ASCC3: variants seen among roughly 807,000 people sequenced by gnomAD.
The protein encoded by ASCC3 is ASC-1 complex subunit P200.
In ASCC3, 158 loss-of-function variants were observed where a neutral mutation model predicts 256.3. The observed-to-expected ratio is 0.62, with a 90% confidence interval of 0.54 to 0.70. The LOEUF is 0.70. Among genes scored for constraint, ASCC3 ranks in the 30% least tolerant of loss-of-function variants. The pLI, the probability that ASCC3 is intolerant of heterozygous loss-of-function variation, is 0.00. For missense variants in ASCC3, 2,259 were observed against 2,626.0 expected, an observed-to-expected ratio of 0.86 and a Z score of 3.05; for synonymous variants, 948 against 883.4, an observed-to-expected ratio of 1.07 and a Z score of -1.30.
intron 13 of ASCC3, among the ~76,000 whole-genome samples, chr6:100,710,400 T>C (rs1223055762): frequency 1.3e-5 from 2 of 152,176 alleles, no homozygotes; most frequent in Non-Finnish European, 2.9e-5. Context: ...TCCAAGTCTA[T>C]CCTTTCTAAC....
chr6:100,730,205 G>A (rs1178852037), intron 10 of ASCC3, among the ~76,000 whole-genome samples: 1 of 152,050 alleles, frequency 6.6e-6, no homozygotes, highest in African/African-American at 2.4e-5. Context: ...GCTGAAGTGG[G>A]AGGATTGCTT....
intron 30 of ASCC3, among the ~76,000 whole-genome samples, chr6:100,617,148 G>T (rs1366759162): frequency 2.6e-5 from 4 of 152,072 alleles, no homozygotes; most frequent in Non-Finnish European, 4.4e-5. Context: ...GGGATTACAG[G>T]CACATGCCAC....
At chr6:100,654,771 G>T (rs1026394091) in intron 17 of ASCC3, among the ~76,000 whole-genome samples, 1 of 151,868 alleles carries the variant, frequency 6.6e-6, no homozygotes, top group Admixed American at 6.6e-5. Context: ...AACAGCCTCA[G>T]AACTAATTGC....
At chr6:100,832,650 A>G (rs748860028) in intron 4 of ASCC3, among the ~76,000 whole-genome samples, 1 of 152,164 alleles carries the variant, frequency 6.6e-6, no homozygotes, top group African/African-American at 2.4e-5. Context: ...AGAAGCATTC[A>G]TAGCTACCCA....
At chr6:100,734,431 A>G (rs368409475) in intron 10 of ASCC3, among the ~76,000 whole-genome samples, 1 of 152,200 alleles carries the variant, frequency 6.6e-6, no homozygotes, top group Non-Finnish European at 1.5e-5. Context: ...TAAAAAGACT[A>G]TAACATCAGA....
chr6:100,656,391 G>A (rs1048173751), intron 16 of ASCC3, among the ~76,000 whole-genome samples: 2 of 151,534 alleles, frequency 1.3e-5, no homozygotes, highest in Non-Finnish European at 1.5e-5. Flanking sequence ...ACGAAACAAA[G>A]CAGATTTTGT....
At chr6:100,870,194 A>G (rs886496777) in intron 1 of ASCC3, among the ~76,000 whole-genome samples, 2 of 149,752 alleles carry the variant, frequency 1.3e-5, no homozygotes, top group Admixed American at 6.7e-5. Context: ...TTGATTTTAA[A>G]AAATGCATAT....
At chr6:100,857,564 T>A (rs972530762) in intron 3 of ASCC3, 24 of 152,146 alleles carry the variant, frequency 1.6e-4, no homozygotes, top group African/African-American at 5.5e-4. Flanking sequence ...GTACTTTTTT[T>A]CATCTGTATA....
intron 37 of ASCC3, among the ~76,000 whole-genome samples, chr6:100,538,741 T>C (rs1360360931): frequency 6.6e-6 from 1 of 152,086 alleles, no homozygotes; most frequent in African/African-American, 2.4e-5. Context: ...GATACTTAGG[T>C]TATTTCCAAG....
Position 100,516,260 on chromosome 6 carries a change from G to A in ASCC3, c.5995C>T (p.Leu1999=), listed in dbSNP as rs775988870. ...TCTTTCCCTCCACAGGCATGGATCA[G>A]TTCAGGAAGGGACTCGATGGAGGTC... ...GRTSIESLPE[L]IHACGGKDHV... is the part of the protein sequence containing the mutation. The change falls in exon 39 of 42, where the codon CTG becomes TTG. Residue 1999 remains leucine, a synonymous_variant. Transcript: ENST00000369162. 1.2e-6 allele frequency: 2 copies of A among 1,613,770 alleles called. No individual in the cohort carries two copies.
At chr6:100,867,280 T>C (rs1009832582) in intron 2 of ASCC3, among the ~76,000 whole-genome samples, 1 of 152,210 alleles carries the variant, frequency 6.6e-6, no homozygotes, top group African/African-American at 2.4e-5. Context: ...TTCCATACCA[T>C]AATTACTAAA....
intron 3 of ASCC3, among the ~76,000 whole-genome samples, chr6:100,860,995 G>T (rs544018873): frequency 6.6e-6 from 1 of 152,192 alleles, no homozygotes; most frequent in Admixed American, 6.5e-5. Context: ...CAGTGACAGT[G>T]AAGAAGGTGG....
intron 37 of ASCC3, chr6:100,530,342 G>GAA: frequency 7.2e-7 from 1 of 1,385,412 alleles, no homozygotes; most frequent in Non-Finnish European, 1.0e-6. Flanking sequence ...ACAATCTAGT[G>GAA]AAAAAAACCG....
rs534785916 is a variant in ASCC3, at chr6:100,800,704, A to G, written c.923-200T>C. 2.7e-5 allele frequency among the ~76,000 whole-genome samples: 4 copies of G among 145,914 alleles called. No individual in the cohort carries two copies. The East Asian group carries it at 5.8e-4, about 21-fold the overall frequency. ...AAATAAAATTACACGGTGGTTTAAG[A>G]AAAGTCAGCAGTATTTTCTTCCTAC... On this transcript the variant is annotated intron_variant, in intron 5 of 41. Coordinates refer to ENST00000369162, the MANE Select transcript of ASCC3 (RefSeq NM_006828.4).
At chr6:100,676,750 G>A (rs117205279) in intron 14 of ASCC3, among the ~76,000 whole-genome samples, 2,355 of 115,314 alleles carry the variant, frequency 0.02, 24 homozygotes, top group East Asian at 0.067. Flanking sequence ...GCGCGTGCGC[G>A]CACACACACA....
In ASCC3 at chr6:100,718,189, G is replaced by A. The variant is rs1192855822; in HGVS notation, c.1965C>T (p.Leu655=). 4 of 1,613,338 alleles carry A rather than the reference G, an allele frequency of 2.5e-6. No individual in the cohort carries two copies. The highest frequency in any genetic ancestry group is 1.1e-5 in the South Asian group (1 of 91,060). The change falls in exon 12 of 42, where the codon CTC becomes CTT. Residue 655 remains leucine (L), a synonymous_variant. Coordinates refer to ENST00000369162, the MANE Select transcript of ASCC3 (RefSeq NM_006828.4). ...TAACATGTAAAAATGTGGCAACATC[G>A]AGGTAGTTAGGTAAAGTTGCAGACA... ...LGLSATLPNY[L]DVATFLHVNP...
rs1474335937 is a variant in ASCC3 at position 100,589,688 on chromosome 6, G to C, written c.5496C>G (p.Phe1832Leu). The change falls in exon 36 of 42, where the codon TTC becomes TTG. Residue 1832 changes from phenylalanine to leucine, a missense_variant. Phe to Leu is a conservative substitution (Grantham distance 22). Transcript: ENST00000369162. ...TGCATTCAGGCTTCAAGCGGTCCTTGAACATTTTAACTGTTTGATGCTTCA... is the reference window on the plus strand; with the variant it reads ...TGCATTCAGGCTTCAAGCGGTCCTTCAACATTTTAACTGTTTGATGCTTCA... ...YYLKHQTVKM[F>L]KDRLKPECST... is the part of the protein sequence containing the mutation. The C allele has an allele frequency of 6.2e-7, 1 of 1,613,734 alleles. No homozygotes were observed. Among genetic ancestry groups the C allele is most frequent in the East Asian group, 2.2e-5 (1 of 44,848 alleles).
chr6:100,650,829 T>A, intron 19 of ASCC3, 115 bp from the exon 20 acceptor site: 1 of 848,740 alleles, frequency 1.2e-6, no homozygotes, highest in Non-Finnish European at 1.9e-6. Flanking sequence ...TAATGCAGCA[T>A]TTTTCTTTCA....
intron 4 of ASCC3, among the ~76,000 whole-genome samples, chr6:100,823,887 A>G (rs2114432131): frequency 6.6e-6 from 1 of 152,350 alleles, no homozygotes; most frequent in African/African-American, 2.4e-5. Flanking sequence ...TCCAACAGGA[A>G]CAATGCTATA....
Sources: allele counts gnomAD v4.1 joint callset (sites outside exome capture counted in the v4.1 genomes callset), GRCh38; gene constraint gnomAD v4.1.1; transcripts MANE v1.5; gene names NCBI Gene and HGNC (gene_info 2026-07-23, HGNC 2026-07-21).